QRICH1: variants seen among roughly 807,000 people sequenced by gnomAD.
QRICH1 encodes glutamine rich 1.
In QRICH1, 16 loss-of-function variants were observed where a neutral mutation model predicts 87.1. That is an observed-to-expected ratio of 0.18 (90% CI 0.12 to 0.28). QRICH1 has a LOEUF of 0.28. QRICH1 is among the 10% of genes least tolerant of loss of function. QRICH1 has a pLI of 1.00. For synonymous variants in QRICH1, 367 were observed against 368.4 expected, an observed-to-expected ratio of 1.00 and a Z score of 0.05; for missense variants, 647 against 951.7, an observed-to-expected ratio of 0.68 and a Z score of 4.21.
chr3:49,088,331 C>G (rs1408451288), intron 1 of QRICH1, among the ~76,000 whole-genome samples: 1 of 151,908 alleles, frequency 6.6e-6, no homozygotes, highest in Non-Finnish European at 1.5e-5. Context: ...GTCTCGTTTT[C>G]TCACCCAGGA....
At chr3:49,079,520 TTATAATAAAATAC>T (rs1261670816) in intron 1 of QRICH1, among the ~76,000 whole-genome samples, 2 of 148,104 alleles carry the variant, frequency 1.4e-5, no homozygotes, top group South Asian at 2.1e-4. Flanking sequence ...ATTATAACAA[TTATAATAAAATAC>T]TATAATAAAA....
At chr3:49,046,614 T>C (rs2093340844) in intron 4 of QRICH1, 35 bp from the exon 5 acceptor site, 3 of 1,605,970 alleles carry the variant, frequency 1.9e-6, no homozygotes, top group East Asian at 2.2e-5. Flanking sequence ...ATGAAGGTCC[T>C]GGGGGTCCAT....
At chr3:49,032,597 T>G in intron 8 of QRICH1, 25 bp downstream of exon 8, 1 of 1,545,340 alleles carries the variant, frequency 6.5e-7, no homozygotes, top group Non-Finnish European at 8.7e-7. Context: ...CACCTGTTTT[T>G]GCCATCCCTG....
At chr3:49,072,676 T>C (rs1294141291) in intron 2 of QRICH1, among the ~76,000 whole-genome samples, 1 of 152,174 alleles carries the variant, frequency 6.6e-6, no homozygotes, top group Non-Finnish European at 1.5e-5. Flanking sequence ...AAGTCAAATT[T>C]AAACCCAGTA....
intron 6 of QRICH1, among the ~76,000 whole-genome samples, chr3:49,038,581 A>C (rs1001746879): frequency 2.6e-4 from 40 of 151,742 alleles, no homozygotes; most frequent in Middle Eastern, 6.9e-3. Flanking sequence ...CACCCAGCTA[A>C]TTTTTGTAAT....
At chr3:49,086,441 T>C (rs1467288857) in intron 1 of QRICH1, among the ~76,000 whole-genome samples, 1 of 151,956 alleles carries the variant, frequency 6.6e-6, no homozygotes, top group African/African-American at 2.4e-5. Flanking sequence ...GTATTTTTAG[T>C]AGAGACGGGG....
At chr3:49,044,984 A>G (rs1339155916) in intron 5 of QRICH1, among the ~76,000 whole-genome samples, 1 of 152,108 alleles carries the variant, frequency 6.6e-6, no homozygotes, top group Non-Finnish European at 1.5e-5. Context: ...ACTAGGAGGC[A>G]GACATTTCTC....
At chr3:49,062,163 T>C (rs77522925) in intron 2 of QRICH1, among the ~76,000 whole-genome samples, 4,898 of 151,828 alleles carry the variant, frequency 0.032, 569 homozygotes, top group East Asian at 0.26. Flanking sequence ...GGTGAAACCC[T>C]GTCTCTACTA....
At chr3:49,080,315 A>G (rs553266267) in intron 1 of QRICH1, among the ~76,000 whole-genome samples, 1 of 152,276 alleles carries the variant, frequency 6.6e-6, no homozygotes, top group Non-Finnish European at 1.5e-5. Context: ...AAATTTTCAA[A>G]GCTACTATAA....
chr3:49,031,268 G>A lies in QRICH1; in HGVS notation c.2139-624C>T, dbSNP rs1021465778. On this transcript the variant is annotated intron_variant, in intron 9 of 9. Coordinates refer to ENST00000395443, the MANE Select transcript of QRICH1 (RefSeq NM_198880.3). Reference sequence around the variant, plus strand: ...CTCCCAAAGTGCTTGGATTACAGGCGTGAGCCACGGTGCCCAGCCTCATGT... The same window carrying A: ...CTCCCAAAGTGCTTGGATTACAGGCATGAGCCACGGTGCCCAGCCTCATGT... 4.6e-5 allele frequency among the ~76,000 whole-genome samples: 7 copies of A among 152,094 alleles called. No individual in the cohort carries two copies. In the East Asian group the frequency reaches 5.8e-4, roughly 13 times the overall value.
At chr3:49,048,293 C>T (rs1277842858) in intron 3 of QRICH1, among the ~76,000 whole-genome samples, 1 of 151,486 alleles carries the variant, frequency 6.6e-6, no homozygotes, top group Non-Finnish European at 1.5e-5. Context: ...CCACCACGCC[C>T]GGCTAATTTT....
rs747574033 is a variant in QRICH1 at position 49,033,086 on chromosome 3, C to T, written c.1895+34G>A. The stretch of plus-strand genomic sequence containing the variant: ...GATAGCTTCCACACTCTTCACTGGA[C>T]AGATGCCAGCAGTGGAGCCTCTAGA... On this transcript the variant is annotated intron_variant, in intron 7 of 9. Transcript: ENST00000395443. 3 of 1,402,026 alleles carry T rather than the reference C, an allele frequency of 2.1e-6. No individual in the cohort carries two copies. The Admixed American group carries it at 7.3e-5, about 34-fold the overall frequency. 86.8% of individuals were successfully genotyped at this position (1,402,026 alleles called of 1,614,324 possible).
chr3:49,062,727 G>T (rs927756190), intron 2 of QRICH1, among the ~76,000 whole-genome samples: 3 of 151,380 alleles, frequency 2.0e-5, no homozygotes, highest in African/African-American at 7.3e-5. Flanking sequence ...TTAAAAAAAG[G>T]CCGGGCGCTG....
intron 1 of QRICH1, among the ~76,000 whole-genome samples, chr3:49,083,844 G>A (rs1027109642): frequency 1.3e-4 from 19 of 151,056 alleles, no homozygotes; most frequent in African/African-American, 1.5e-4. Flanking sequence ...CAGGAGAATC[G>A]CTTGAACCCA....
At chr3:49,031,179 G>C (rs1237897332) in intron 9 of QRICH1, among the ~76,000 whole-genome samples, 1 of 151,892 alleles carries the variant, frequency 6.6e-6, no homozygotes, top group Non-Finnish European at 1.5e-5. Context: ...GTAGAGATGG[G>C]GTTTTTCCAT....
At chr3:49,053,645 G>C (rs1278735467) in intron 3 of QRICH1, among the ~76,000 whole-genome samples, 4 of 152,250 alleles carry the variant, frequency 2.6e-5, no homozygotes, top group African/African-American at 9.6e-5. Flanking sequence ...AATTTTTACA[G>C]CATCTAGAGC....
chr3:49,091,403 CA>C (rs879398283), intron 1 of QRICH1, among the ~76,000 whole-genome samples: 17 of 145,856 alleles, frequency 1.2e-4, no homozygotes, highest in Admixed American at 1.4e-4. Context: ...AAAGCATATC[CA>C]AAAAAAAAAG....
rs1183601148 is a variant in QRICH1 at position 49,079,456 on chromosome 3, TATAA to T, written c.-21-2422_-21-2419del. Among the ~76,000 whole-genome samples, 4 of 148,006 alleles carry T rather than the reference TATAA, an allele frequency of 2.7e-5. No individual in the cohort carries two copies. The East Asian group carries it at 5.8e-4, about 22-fold the overall frequency. ...TATTATAATAATTACAATTATGTAA[TATAA>T]ATATAATTTTTACATAAATATAAAA... On this transcript the variant is annotated intron_variant, in intron 1 of 9. Transcript: ENST00000395443.
chr3:49,039,917 C>G (rs1320730815), intron 6 of QRICH1, among the ~76,000 whole-genome samples: 2 of 151,890 alleles, frequency 1.3e-5, no homozygotes, highest in Non-Finnish European at 2.9e-5. Flanking sequence ...AAAAAATTAG[C>G]TGGGCGTGGG....
Sources: allele counts gnomAD v4.1 joint callset (sites outside exome capture counted in the v4.1 genomes callset), GRCh38; gene constraint gnomAD v4.1.1; transcripts MANE v1.5; gene names NCBI Gene and HGNC (gene_info 2026-07-23, HGNC 2026-07-21).